PXT1: variants seen among roughly 807,000 people sequenced by gnomAD.
The protein encoded by PXT1 is peroxisomal testis enriched protein 1.
PXT1 carries 11 observed loss-of-function variants against 11.0 expected under a neutral mutation model. That is an observed-to-expected ratio of 1.00 (90% CI 0.63 to 1.66). The LOEUF (loss-of-function observed/expected upper bound fraction) is 1.66. Among genes scored for constraint, PXT1 ranks in the 40% most tolerant of loss-of-function variants. PXT1 has a pLI of 0.00. For synonymous variants in PXT1, 43 were observed against 51.4 expected (o/e 0.84, Z 0.70); for missense variants, 141 against 155.5 (o/e 0.91, Z 0.49).
At chr6:36,408,262 T>C (rs80026676) in intron 3 of PXT1, among the ~76,000 whole-genome samples, 1 of 131,834 alleles carries the variant, frequency 7.6e-6, no homozygotes, top group East Asian at 2.2e-4. Flanking sequence ...ACGCCCAGCC[T>C]TTTTTTTTTT....
intron 4 of PXT1, among the ~76,000 whole-genome samples, chr6:36,394,468 A>T (rs1774111945): frequency 6.6e-6 from 1 of 152,178 alleles, no homozygotes; most frequent in Non-Finnish European, 1.5e-5. Flanking sequence ...GCACACCCAA[A>T]TTAGGCTAAT....
At position 36,419,647 on chromosome 6, in the gene PXT1, AG is replaced by A. The variant is rs2127415096; in HGVS notation, c.169+6266del. 1.3e-5 allele frequency among the ~76,000 whole-genome samples: 2 copies of A among 152,334 alleles called. 1 individual carries two copies. Among genetic ancestry groups the A allele is most frequent in the Non-Finnish European group, 2.9e-5 (2 of 68,022 alleles). On this transcript the variant is annotated intron_variant, in intron 3 of 4. Coordinates refer to ENST00000454782, the MANE Select transcript of PXT1 (RefSeq NM_152990.4). ...AGACCTAGCTCAGTGCCCTATACAT[AG>A]GAAGTACTCAATAGATATTTGTTGA... is the stretch of plus-strand genomic sequence containing the variant.
intron 2 of PXT1, among the ~76,000 whole-genome samples, chr6:36,430,864 G>A (rs1774682505): frequency 6.6e-6 from 1 of 152,060 alleles, no homozygotes; most frequent in Non-Finnish European, 1.5e-5. Context: ...GCCCAAGCTG[G>A]AGTGCAGTGC....
At chr6:36,432,949 T>TA (rs1370211017) in intron 2 of PXT1, among the ~76,000 whole-genome samples, 1 of 151,748 alleles carries the variant, frequency 6.6e-6, no homozygotes, top group Non-Finnish European at 1.5e-5. Context: ...AAAAGGTACT[T>TA]CTTAGGGGAA....
chr6:36,399,683 C>G (rs748448496), intron 4 of PXT1, among the ~76,000 whole-genome samples: 2 of 152,138 alleles, frequency 1.3e-5, no homozygotes, highest in Admixed American at 6.5e-5. Flanking sequence ...GTCTGCCACC[C>G]CGTCTGTCAC....
At chr6:36,417,193 A>T (rs1209970401) in intron 3 of PXT1, among the ~76,000 whole-genome samples, 1 of 152,070 alleles carries the variant, frequency 6.6e-6, no homozygotes, top group East Asian at 1.9e-4. Context: ...CTAAAAATAC[A>T]AAAATTAGCC....
At chr6:36,434,115 A>G (rs1352534330) in intron 2 of PXT1, among the ~76,000 whole-genome samples, 5 of 151,346 alleles carry the variant, frequency 3.3e-5, no homozygotes, top group South Asian at 4.2e-4. Context: ...GCAGTGAGCT[A>G]TGATCATGCC....
In PXT1 at chr6:36,426,125, C is replaced by T. The variant is rs141847069; in HGVS notation, c.-9-34G>A. 5.9e-3 allele frequency: 7,478 copies of T among 1,272,044 alleles called. 37 individuals are homozygous for T. Among genetic ancestry groups the T allele is most frequent in the Middle Eastern group, 0.025 (135 of 5,324 alleles). 78.8% of individuals were successfully genotyped at this position (1,272,044 alleles called of 1,614,324 possible). On this transcript the variant is annotated intron_variant, in intron 2 of 4. Transcript: ENST00000454782. ...AAACATATTTTCAGAGGCTTTCCCCCATTTCTCAGTAAATATTTGGTATTT... is the reference window on the plus strand; with the variant it reads ...AAACATATTTTCAGAGGCTTTCCCCTATTTCTCAGTAAATATTTGGTATTT...
At chr6:36,433,295 C>T (rs752696720) in intron 2 of PXT1, among the ~76,000 whole-genome samples, 8 of 151,942 alleles carry the variant, frequency 5.3e-5, no homozygotes, top group Admixed American at 3.3e-4. Context: ...TAAGAATAAA[C>T]AAGAGCAGCT....
At chr6:36,421,405 G>A (rs1361330053) in intron 3 of PXT1, among the ~76,000 whole-genome samples, 1 of 152,184 alleles carries the variant, frequency 6.6e-6, no homozygotes, top group African/African-American at 2.4e-5. Context: ...AGGCTGCCAT[G>A]AGCTATGATC....
chr6:36,401,581 G>T (rs975858299), intron 3 of PXT1, among the ~76,000 whole-genome samples: 1 of 146,242 alleles, frequency 6.8e-6, no homozygotes, highest in Non-Finnish European at 1.5e-5. Context: ...ACACCACTGC[G>T]CTCCAGCCTG....
intron 4 of PXT1, among the ~76,000 whole-genome samples, chr6:36,397,330 A>G (rs1774157808): frequency 6.6e-6 from 1 of 152,174 alleles, no homozygotes; most frequent in Non-Finnish European, 1.5e-5. Context: ...AGTCCCAGCT[A>G]CTTAGGAGGT....
chr6:36,402,954 T>C (rs1429739035), intron 3 of PXT1, among the ~76,000 whole-genome samples: 1 of 52,034 alleles, frequency 1.9e-5, no homozygotes, highest in South Asian at 4.8e-4. Context: ...TTTCTTTCTT[T>C]TTTTTTTTTT....
chr6:36,426,192 TC>T, intron 2 of PXT1, 101 bp from the exon 3 acceptor site: 6 of 745,778 alleles, frequency 8.0e-6, no homozygotes, highest in Non-Finnish European at 1.2e-5. Context: ...CAGCATTTAT[TC>T]CACATATAAG....
chr6:36,416,203 G>T (rs1774444959), intron 3 of PXT1, among the ~76,000 whole-genome samples: 1 of 151,636 alleles, frequency 6.6e-6, no homozygotes. Context: ...AAGAAAAATA[G>T]CCGGGTGTGA....
rs554169971 is a variant in PXT1, at chr6:36,396,265, G to T, written c.300+4189C>A. 1.2e-4 allele frequency among the ~76,000 whole-genome samples: 19 copies of T among 152,318 alleles called. No homozygotes were observed. In the South Asian group the frequency reaches 3.7e-3, roughly 30 times the overall value. The stretch of plus-strand genomic sequence containing the variant: ...GCTGCAGCAGGAAGGTGCAGCTGGG[G>T]CCACATGCTCCATGGAGCCAGTAGG... On this transcript the variant is annotated intron_variant, in intron 4 of 4. Transcript: ENST00000454782.
intron 3 of PXT1, among the ~76,000 whole-genome samples, chr6:36,408,054 C>T (rs1343899793): frequency 2.6e-5 from 4 of 151,676 alleles, no homozygotes; most frequent in South Asian, 2.1e-4. Context: ...CTCCACCTCC[C>T]GAGTTCAAGT....
chr6:36,441,900 C>T (rs1774876570), intron 1 of PXT1, among the ~76,000 whole-genome samples: 1 of 152,146 alleles, frequency 6.6e-6, no homozygotes, highest in South Asian at 2.1e-4. Context: ...ATTCCTTCCA[C>T]TTCAACACCA....
At chr6:36,404,311 A>G (rs796822279) in intron 3 of PXT1, among the ~76,000 whole-genome samples, 34 of 152,338 alleles carry the variant, frequency 2.2e-4, no homozygotes, top group African/African-American at 7.7e-4. Flanking sequence ...GTGGTCTCAT[A>G]AGATTACAAT....
Sources: gnomAD v4.1 joint callset for allele counts (sites outside exome capture counted in the v4.1 genomes callset) on GRCh38, gnomAD v4.1.1 for gene constraint, MANE v1.5 for transcripts, NCBI Gene and HGNC (gene_info 2026-07-23, HGNC 2026-07-21) for gene names.